Variants in TRMT11 observed in about 807,000 individuals in gnomAD.
The protein encoded by TRMT11 is tRNA methyltransferase 11.
A neutral mutation model predicts 62.8 loss-of-function variants in TRMT11; 53 were observed. The ratio of observed to expected loss-of-function variants is 0.84; its 90% CI spans 0.68 to 1.06. TRMT11 has a LOEUF of 1.06. TRMT11 is among the 50% of genes least tolerant of loss of function. TRMT11 has a pLI of 0.00. For missense variants in TRMT11, 556 were observed against 553.4 expected (o/e 1.00, Z -0.05); for synonymous variants, 188 against 190.3 (o/e 0.99, Z 0.10).
At chr6:126,220,254 A>G in the TRMT11 span, among the ~76,000 whole-genome samples, 1 of 152,332 alleles carries the variant, frequency 6.6e-6, no homozygotes, top group South Asian at 2.1e-4. Flanking sequence ...AGAATCATAA[A>G]TATTTGGTGA....
chr6:126,053,848 A>G (rs1052836340), intron 17 of TRMT11, among the ~76,000 whole-genome samples: 5 of 152,208 alleles, frequency 3.3e-5, no homozygotes, highest in African/African-American at 1.2e-4. Context: ...GAAGCCTGAG[A>G]GATGACATCT....
At chr6:126,101,212 G>A (rs1321606703) in intron 17 of TRMT11, among the ~76,000 whole-genome samples, 1 of 152,146 alleles carries the variant, frequency 6.6e-6, no homozygotes, top group Non-Finnish European at 1.5e-5. Context: ...CAAAGCTGAT[G>A]AAGTCTGGAC....
At chr6:125,999,143 T>C (rs528559226) in intron 6 of TRMT11, among the ~76,000 whole-genome samples, 2 of 152,198 alleles carry the variant, frequency 1.3e-5, no homozygotes, top group African/African-American at 4.8e-5. Context: ...TGAGTGGAAG[T>C]TGTGACTTAT....
chr6:125,995,436 G>C (rs1277935981), intron 2 of TRMT11, among the ~76,000 whole-genome samples: 1 of 152,098 alleles, frequency 6.6e-6, no homozygotes, highest in African/African-American at 2.4e-5. Flanking sequence ...TGATGCACTT[G>C]GAGCTTTTTT....
chr6:126,159,476 A>T (rs1211289286), intron 21 of TRMT11, among the ~76,000 whole-genome samples: 1 of 152,238 alleles, frequency 6.6e-6, no homozygotes, highest in African/African-American at 2.4e-5. Flanking sequence ...TCCCTAGAGG[A>T]TAGCAGAGCC....
chr6:126,134,775 T>A (rs1388217386), intron 21 of TRMT11, among the ~76,000 whole-genome samples: 1 of 151,850 alleles, frequency 6.6e-6, no homozygotes, highest in Non-Finnish European at 1.5e-5. Context: ...TATAAAAAGG[T>A]CTAAATCATA....
chr6:126,234,717 A>C, the TRMT11 span, among the ~76,000 whole-genome samples: 1 of 152,146 alleles, frequency 6.6e-6, no homozygotes. Flanking sequence ...TGTGTATTTC[A>C]GTTGTATTAG....
chr6:126,204,302 G>C (rs1013633988), downstream of TRMT11, among the ~76,000 whole-genome samples: 1 of 152,134 alleles, frequency 6.6e-6, no homozygotes, highest in Non-Finnish European at 1.5e-5. Context: ...AGCTGTTATT[G>C]TATATAGGTG....
intron 17 of TRMT11, among the ~76,000 whole-genome samples, chr6:126,079,724 G>A (rs576738190): frequency 5.3e-5 from 8 of 151,818 alleles, no homozygotes; most frequent in African/African-American, 1.9e-4. Flanking sequence ...AATAAAAGTT[G>A]AAAATGGAAA....
At chr6:126,104,786 T>C (rs1166958906) in intron 17 of TRMT11, among the ~76,000 whole-genome samples, 2 of 152,242 alleles carry the variant, frequency 1.3e-5, no homozygotes, top group African/African-American at 2.4e-5. Context: ...TCTCCCATTG[T>C]TTAAAGACCT....
At chr6:126,165,685 C>T (rs575674914) in intron 21 of TRMT11, among the ~76,000 whole-genome samples, 2 of 152,274 alleles carry the variant, frequency 1.3e-5, no homozygotes, top group African/African-American at 2.4e-5. Flanking sequence ...TTGTGGGTAA[C>T]CCAACCTTTC....
chr6:125,998,597 G>A lies in TRMT11; in HGVS notation c.435G>A (p.Pro145=), dbSNP rs186317882. Residue 145 remains proline, a synonymous_variant, in exon 6 of 13, where the codon CCG becomes CCA. Coordinates refer to ENST00000334379, the MANE Select transcript of TRMT11 (RefSeq NM_001031712.3). ...PFEGKVNLKK[P]QHVFSVLEDY... ...AAGGAAAAGTGAATTTAAAGAAACC[G>A]CAACATGTATTTTCTGTTTTGGAGG... The A allele has an allele frequency of 2.3e-5, 37 of 1,613,230 alleles. No homozygotes were observed. Among genetic ancestry groups the A allele is most frequent in the Non-Finnish European group, 3.0e-5 (35 of 1,179,558 alleles).
chr6:126,192,662 G>A (rs560987848), intron 1 of TRMT11, among the ~76,000 whole-genome samples: 99 of 152,150 alleles, frequency 6.5e-4, no homozygotes, highest in African/African-American at 2.3e-3. Flanking sequence ...GGGATGTTGA[G>A]TTTTATCAAA....
chr6:126,119,646 T>C (rs1777628570), intron 21 of TRMT11, among the ~76,000 whole-genome samples: 1 of 152,070 alleles, frequency 6.6e-6, no homozygotes, highest in South Asian at 2.1e-4. Context: ...TATGCCTGTT[T>C]ACTGGGTTAG....
the TRMT11 span, among the ~76,000 whole-genome samples, chr6:126,259,703 T>G: frequency 6.6e-6 from 1 of 152,192 alleles, no homozygotes; most frequent in Non-Finnish European, 1.5e-5. Context: ...TCTCAGTTTC[T>G]CTCTCCTTTT....
At chr6:126,206,001 T>C (rs969182475), downstream of TRMT11, among the ~76,000 whole-genome samples, 3 of 152,044 alleles carry the variant, frequency 2.0e-5, no homozygotes, top group Non-Finnish European at 2.9e-5. Flanking sequence ...TATAAAGATA[T>C]GGCTGCCAAA....
intron 17 of TRMT11, among the ~76,000 whole-genome samples, chr6:126,057,537 T>C (rs1776407039): frequency 6.6e-6 from 1 of 152,228 alleles, no homozygotes; most frequent in East Asian, 1.9e-4. Flanking sequence ...CTCTGAACAC[T>C]ATAATTCTGT....
chr6:125,995,848 A>G (rs1791412016), intron 2 of TRMT11, 119 bp from the exon 3 acceptor site: 1 of 688,698 alleles, frequency 1.5e-6, no homozygotes, highest in Admixed American at 2.5e-5. Flanking sequence ...TTACAGTCAG[A>G]TCAGATATTC....
intron 17 of TRMT11, among the ~76,000 whole-genome samples, chr6:126,101,430 A>T (rs927191149): frequency 8.5e-5 from 13 of 152,202 alleles, no homozygotes; most frequent in Non-Finnish European, 1.9e-4. Flanking sequence ...CAACTACCCA[A>T]TGCAGTAAAG....
Sources: gnomAD v4.1 joint callset for allele counts (sites outside exome capture counted in the v4.1 genomes callset) on GRCh38, gnomAD v4.1.1 for gene constraint, MANE v1.5 for transcripts, NCBI Gene and HGNC (gene_info 2026-07-23, HGNC 2026-07-21) for gene names.